NLRC5: variants seen among roughly 807,000 people sequenced by gnomAD.
The protein encoded by NLRC5 is NLR family CARD domain containing 5, also known as protein NLRC5.
A neutral mutation model predicts 206.9 loss-of-function variants in NLRC5; 114 were observed. That is an observed-to-expected ratio of 0.55 (90% CI 0.47 to 0.64). The LOEUF is 0.64. Among genes scored for constraint, NLRC5 ranks in the 30% least tolerant of loss-of-function variants. The pLI is 0.00. For missense variants in NLRC5, 2,008 were observed against 2,305.5 expected (o/e 0.87, Z 2.64); for synonymous variants, 952 against 962.8 (o/e 0.99, Z 0.21).
At chr16:57,064,840 C>G (rs559684107) in intron 32 of NLRC5, among the ~76,000 whole-genome samples, 1 of 152,276 alleles carries the variant, frequency 6.6e-6, no homozygotes, top group South Asian at 2.1e-4. Flanking sequence ...AGGAGAATCG[C>G]TTGAACCCAG....
chr16:57,073,126 T>G (rs1254170833), intron 38 of NLRC5, among the ~76,000 whole-genome samples: 1 of 152,226 alleles, frequency 6.6e-6, no homozygotes, highest in Non-Finnish European at 1.5e-5. Context: ...TGTACTGAGC[T>G]GGGCACCTGG....
chr16:57,067,988 G>T (rs939705523), intron 36 of NLRC5, among the ~76,000 whole-genome samples, 160 bp downstream of exon 36: 8 of 152,204 alleles, frequency 5.3e-5, no homozygotes, highest in African/African-American at 1.9e-4. Context: ...GGGGTACCTA[G>T]TCGTAAACAT....
intron 20 of NLRC5, chr16:57,043,898 ATT>A (rs5817086): frequency 0.013 from 5,159 of 400,780 alleles, 236 homozygotes; most frequent in African/African-American, 0.096. Context: ...TTTTTTTAGG[ATT>A]TTTTTTTTAA....
intron 37 of NLRC5, 144 bp from the exon 38 acceptor site, chr16:57,070,391 C>T (rs1261984264): frequency 6.0e-6 from 4 of 662,942 alleles, no homozygotes; most frequent in South Asian, 1.7e-5. Flanking sequence ...CCATGGGGAA[C>T]CTGGACAGCG....
chr16:57,058,785 G>A (rs1207400366), intron 28 of NLRC5, among the ~76,000 whole-genome samples, 187 bp from the exon 29 acceptor site: 3 of 152,252 alleles, frequency 2.0e-5, no homozygotes, highest in Non-Finnish European at 2.9e-5. Flanking sequence ...TCAGGGTCTG[G>A]TGCCAGTTCT....
At chr16:57,045,640 G>T in intron 21 of NLRC5, 148 bp downstream of exon 21, 1 of 673,046 alleles carries the variant, frequency 1.5e-6, no homozygotes, top group Admixed American at 2.3e-5. Flanking sequence ...CACCACTTCA[G>T]TAACCACCGC....
intron 20 of NLRC5, 147 bp downstream of exon 20, chr16:57,043,751 G>A: frequency 1.5e-6 from 1 of 688,264 alleles, no homozygotes; most frequent in Non-Finnish European, 2.7e-6. Context: ...AGCATGTGAT[G>A]GGCGTCCACT....
At chr16:57,067,897 C>A in intron 36 of NLRC5, 69 bp downstream of exon 36, 1 of 1,237,584 alleles carries the variant, frequency 8.1e-7, no homozygotes, top group Non-Finnish European at 1.2e-6. Flanking sequence ...CCCGTTATTC[C>A]CAGCCCTGGG....
At chr16:57,000,411 G>A (rs1597080062) in intron 1 of NLRC5, among the ~76,000 whole-genome samples, 2 of 152,302 alleles carry the variant, frequency 1.3e-5, no homozygotes, top group South Asian at 2.1e-4. Flanking sequence ...AGATTGCTGG[G>A]TTTCCAATGA....
At chr16:57,052,806 A>C (rs2065105463) in intron 24 of NLRC5, 1 of 152,206 alleles carries the variant, frequency 6.6e-6, no homozygotes, top group Admixed American at 6.5e-5. Context: ...GGAGATAATG[A>C]GTCAGAAAGG....
At chr16:57,068,342 A>C (rs1433527758) in intron 36 of NLRC5, among the ~76,000 whole-genome samples, 2 of 151,942 alleles carry the variant, frequency 1.3e-5, no homozygotes, top group Non-Finnish European at 2.9e-5. Context: ...GAGGCACAAG[A>C]ATTGCTTGAA....
intron 1 of NLRC5, among the ~76,000 whole-genome samples, chr16:56,995,401 G>A (rs576309157): frequency 6.6e-6 from 1 of 152,358 alleles, no homozygotes; most frequent in South Asian, 2.1e-4. Context: ...CATCCTCGTA[G>A]CTAGAGCTTT....
chr16:57,045,600 AC>A, intron 21 of NLRC5, 108 bp downstream of exon 21: 1 of 1,006,900 alleles, frequency 9.9e-7, no homozygotes, highest in Non-Finnish European at 1.6e-6. Flanking sequence ...TCTCAGTTAA[AC>A]CACCCAAGTC....
chr16:56,989,784 G>T (rs745375579), intron 1 of NLRC5, among the ~76,000 whole-genome samples, 167 bp downstream of exon 1: 6 of 152,204 alleles, frequency 3.9e-5, no homozygotes, highest in Admixed American at 6.5e-5. Flanking sequence ...CTGGGTAAGC[G>T]GACAGGGCGC....
chr16:57,022,215 C>T (rs191013694), intron 3 of NLRC5, 41 bp from the exon 4 acceptor site: 18 of 1,566,710 alleles, frequency 1.1e-5, no homozygotes, highest in African/African-American at 6.7e-5. Context: ...CAGCATCCCT[C>T]GACAGCCCCA....
intron 1 of NLRC5, chr16:57,003,952 G>A (rs17369768): frequency 0.22 from 33,346 of 152,106 alleles, 4,404 homozygotes; most frequent in East Asian, 0.31. Flanking sequence ...CTGGTACGGA[G>A]GCATTTGCCC....
intron 1 of NLRC5, among the ~76,000 whole-genome samples, chr16:57,006,007 T>G (rs1000221310): frequency 1.3e-5 from 2 of 151,078 alleles, no homozygotes; most frequent in East Asian, 3.9e-4. Flanking sequence ...TGTATACACA[T>G]TTTTTTTTGA....
intron 15 of NLRC5, among the ~76,000 whole-genome samples, chr16:57,037,705 G>A (rs1172296964): frequency 2.0e-5 from 3 of 152,128 alleles, no homozygotes; most frequent in South Asian, 2.1e-4. Flanking sequence ...CATGATGTGC[G>A]CAACTGACAA....
At chr16:57,060,995 C>T (rs761091523) in intron 30 of NLRC5, among the ~76,000 whole-genome samples, 10 of 152,236 alleles carry the variant, frequency 6.6e-5, no homozygotes, top group South Asian at 2.1e-4. Flanking sequence ...AGTGCTGGTC[C>T]GGGAGAGTAA....
Sources: allele counts gnomAD v4.1 joint callset (sites outside exome capture counted in the v4.1 genomes callset), GRCh38; gene constraint gnomAD v4.1.1; transcripts MANE v1.5; gene names NCBI Gene and HGNC (gene_info 2026-07-23, HGNC 2026-07-21).